FARSA: variants seen among roughly 807,000 people sequenced by gnomAD.
FARSA encodes phenylalanine--tRNA ligase alpha subunit.
FARSA carries 37 observed loss-of-function variants against 63.2 expected under a neutral mutation model. That is an observed-to-expected ratio of 0.59 (90% CI 0.45 to 0.77). The LOEUF (loss-of-function observed/expected upper bound fraction) is 0.77. Ranked by LOEUF, FARSA falls within the 30% of genes least tolerant of loss-of-function variation. FARSA has a pLI of 0.00. For synonymous variants in FARSA, 312 were observed against 285.1 expected, an observed-to-expected ratio of 1.09 and a Z score of -0.95; for missense variants, 618 against 696.6, an observed-to-expected ratio of 0.89 and a Z score of 1.27.
chr19:12,933,579 C>G lies in FARSA; in HGVS notation c.118G>C (p.Ala40Pro). The part of the protein sequence containing the change: ...LGMEHQAVVG[A>P]VKSLQALGEV... ...CCCAGCGCCTGAAGGCTCTTCACGGCGCCCACCACCGCCTGGTGCTCCATG... is the reference window on the plus strand; with the variant it reads ...CCCAGCGCCTGAAGGCTCTTCACGGGGCCCACCACCGCCTGGTGCTCCATG... Residue 40 changes from alanine to proline, a missense_variant, in exon 1 of 13, where the codon GCC becomes CCC. Transcript: ENST00000314606. The G allele has an allele frequency of 6.5e-7, 1 of 1,548,046 alleles. No homozygotes were observed. Among genetic ancestry groups the G allele is most frequent in the Non-Finnish European group, 8.7e-7 (1 of 1,151,450 alleles).
At chr19:12,923,126 C>T (rs1971283625) in intron 12 of FARSA, among the ~76,000 whole-genome samples, 1 of 152,140 alleles carries the variant, frequency 6.6e-6, no homozygotes, top group Non-Finnish European at 1.5e-5. Context: ...ACTGTGACCA[C>T]TACCTGGGAC....
chr19:12,926,510 C>A (rs111851259), intron 7 of FARSA, among the ~76,000 whole-genome samples: 30 of 151,350 alleles, frequency 2.0e-4, no homozygotes, highest in African/African-American at 6.8e-4. Flanking sequence ...CCTGACCTCG[C>A]GATCCGCCCG....
At chr19:12,923,491 G>A (rs751617885) in intron 12 of FARSA, among the ~76,000 whole-genome samples, 3 of 152,016 alleles carry the variant, frequency 2.0e-5, no homozygotes, top group Admixed American at 6.6e-5. Context: ...TAGTAGAGAC[G>A]GGAGACAGAG....
In FARSA at chr19:12,930,518, T is replaced by C. The variant is rs933660857; in HGVS notation, c.295A>G (p.Ser99Gly). Residue 99 changes from serine to glycine, a missense_variant, in exon 3 of 13, where the codon AGT (serine) becomes GGT (glycine). Transcript: ENST00000314606. Reference protein sequence around the residue: ...LAQSELMRLPSGKVGFSKAMS... With the variant: ...LAQSELMRLPGGKVGFSKAMS... ...GCCTTGCTGAAGCCCACTTTGCCAC[T>C]GGGCAGTCGCTGGAAAAGAGAGGCT... is the stretch of plus-strand genomic sequence containing the variant. 1 of 1,613,712 alleles carries C rather than the reference T, an allele frequency of 6.2e-7. No individual in the cohort carries two copies. Among genetic ancestry groups the C allele is most frequent in the Non-Finnish European group, 8.5e-7 (1 of 1,179,818 alleles).
In FARSA at chr19:12,924,141, G is replaced by T; in HGVS notation, c.1388+10C>A. The T allele has an allele frequency of 6.2e-7, 1 of 1,609,584 alleles. No homozygotes were observed. The highest frequency in any genetic ancestry group is 2.2e-5 in the East Asian group (1 of 44,862). Reference sequence around the variant, plus strand: ...AGCTGGACACCCCGAGTTTCCACTTGGGCACTTACCGCTCCAGGGAGAGGC... The same window carrying T: ...AGCTGGACACCCCGAGTTTCCACTTTGGCACTTACCGCTCCAGGGAGAGGC... On this transcript the variant is annotated intron_variant, in intron 12 of 12. Coordinates refer to ENST00000314606, the MANE Select transcript of FARSA (RefSeq NM_004461.3). The surrounding 1 kb of genome is among the most constrained non-coding windows in gnomAD (Gnocchi z 6.4).
At chr19:12,925,563 G>T (rs1229580141) in intron 7 of FARSA, among the ~76,000 whole-genome samples, 2 of 151,830 alleles carry the variant, frequency 1.3e-5, no homozygotes, top group Non-Finnish European at 2.9e-5. Flanking sequence ...TCGCCATGTT[G>T]GTCAGGGTGG....
Position 12,930,492 on chromosome 19 carries a change from G to A in FARSA, c.321C>T (p.Ala107=), listed in dbSNP as rs1427673824. The part of the protein sequence containing the change: ...LPSGKVGFSK[A]MSNKWIRVDK... The stretch of plus-strand genomic sequence containing the variant: ...CCACCCGAATCCACTTGTTGGACAT[G>A]GCCTTGCTGAAGCCCACTTTGCCAC... The change falls in exon 3 of 13, where the codon GCC becomes GCT. Residue 107 remains alanine (A), a synonymous_variant. Transcript: ENST00000314606. 4 of 1,614,068 alleles carry A rather than the reference G, an allele frequency of 2.5e-6. No individual in the cohort carries two copies. Among genetic ancestry groups the A allele is most frequent in the Non-Finnish European group, 3.4e-6 (4 of 1,180,018 alleles).
In FARSA at chr19:12,928,668, G is replaced by T; in HGVS notation, c.597-5C>A. The stretch of plus-strand genomic sequence containing the variant: ...GGCCGGTCCCGCCAAGAGCCACTGG[G>T]GGAGGATGCAAGGGCCTGGTAAGGG... On this transcript the variant is annotated splice_region_variant and splice_polypyrimidine_tract_variant and intron_variant, in intron 5 of 12. Coordinates refer to ENST00000314606, the MANE Select transcript of FARSA (RefSeq NM_004461.3). 6.2e-7 allele frequency: 1 copy of T among 1,613,032 alleles called. No homozygotes were observed. Among genetic ancestry groups the T allele is most frequent in the Non-Finnish European group, 8.5e-7 (1 of 1,179,498 alleles).
Position 12,930,685 on chromosome 19 carries a change from G to A in FARSA, c.212C>T (p.Ala71Val). ...WELTAEGEEIAREGSHEARVF... is the reference protein window; with the variant it reads ...WELTAEGEEIVREGSHEARVF... ...ACGGGCCTCATGGCTGCCCTCCCGGGCAATCTCCTCGCCCTCCGCAGTAAG... is the reference window on the plus strand; with the variant it reads ...ACGGGCCTCATGGCTGCCCTCCCGGACAATCTCCTCGCCCTCCGCAGTAAG... The change falls in exon 2 of 13, where the codon GCC becomes GTC. Residue 71 changes from alanine to valine, a missense_variant. Ala to Val is a moderately conservative substitution (Grantham distance 64). Coordinates refer to ENST00000314606, the MANE Select transcript of FARSA (RefSeq NM_004461.3). 1 of 1,613,576 alleles carries A rather than the reference G, an allele frequency of 6.2e-7. No individual in the cohort carries two copies. The highest frequency in any genetic ancestry group is 8.5e-7 in the Non-Finnish European group (1 of 1,180,020).
chr19:12,933,408 C>A, intron 1 of FARSA, 142 bp downstream of exon 1: 1 of 1,000,988 alleles, frequency 1.0e-6, no homozygotes, highest in Admixed American at 2.9e-5. Context: ...CGTCCCACTT[C>A]CCGCCCGCAC....
intron 6 of FARSA, 21 bp from the exon 7 acceptor site, chr19:12,928,478 A>G (rs1296108596): frequency 6.2e-7 from 1 of 1,613,684 alleles, no homozygotes; most frequent in Non-Finnish European, 8.5e-7. Flanking sequence ...ACACAGCCTG[A>G]CTGCCCTGCC....
At position 12,928,652 on chromosome 19, in the gene FARSA, C is replaced by T. The variant is rs761259713; in HGVS notation, c.608G>A (p.Arg203Gln). Residue 203 changes from arginine (R) to glutamine (Q), a missense_variant, in exon 6 of 13, where the codon CGG becomes CAG. Transcript: ENST00000314606. The stretch of plus-strand genomic sequence containing the variant: ...GTTGTAGGGCTTGAAGGGCCGGTCC[C>T]GCCAAGAGCCACTGGGGGAGGATGC... ...SPEMISSGSW[R>Q]DRPFKPYNFL... is the part of the protein sequence containing the mutation. 10 of 1,611,582 alleles carry T rather than the reference C, an allele frequency of 6.2e-6. No individual in the cohort carries two copies. The highest frequency in any genetic ancestry group is 2.7e-5 in the African/African-American group (2 of 74,874).
chr19:12,927,765 G>T lies in FARSA; in HGVS notation c.841+577C>A, dbSNP rs1000662199. 5.8e-4 allele frequency among the ~76,000 whole-genome samples: 79 copies of T among 136,636 alleles called. 1 individual carries two copies. The East Asian group carries it at 0.013, about 23-fold the overall frequency. 89.6% of individuals were successfully genotyped at this position (136,636 alleles called of 152,430 possible). On this transcript the variant is annotated intron_variant, in intron 7 of 12. Transcript: ENST00000314606. ...AAAAAAAAAAAAAAAAGCCAGGTGCGGTGGCTCACGCCTGTAATCCCAGCA... is the reference window on the plus strand; with the variant it reads ...AAAAAAAAAAAAAAAAGCCAGGTGCTGTGGCTCACGCCTGTAATCCCAGCA...
chr19:12,930,879 C>T (rs557933071), intron 1 of FARSA, 130 bp from the exon 2 acceptor site: 555 of 1,053,310 alleles, frequency 5.3e-4, no homozygotes, highest in Non-Finnish European at 7.0e-4. Context: ...AGCTATACAA[C>T]TTTACAGCCA....
intron 12 of FARSA, among the ~76,000 whole-genome samples, chr19:12,923,801 C>T (rs1971293365): frequency 6.6e-6 from 1 of 152,028 alleles, no homozygotes; most frequent in African/African-American, 2.4e-5. Context: ...TTTGTAGAGG[C>T]GGAGACTTGC....
At chr19:12,925,589 C>G (rs1040980932) in intron 7 of FARSA, among the ~76,000 whole-genome samples, 7 of 151,316 alleles carry the variant, frequency 4.6e-5, no homozygotes, top group African/African-American at 1.7e-4. Flanking sequence ...AACTCCTGAT[C>G]TCAGGTGATC....
intron 4 of FARSA, 85 bp from the exon 5 acceptor site, chr19:12,928,932 G>T: frequency 8.6e-7 from 1 of 1,163,030 alleles, no homozygotes. Flanking sequence ...GGATCCCCAT[G>T]CTACCTACCA....
At position 12,924,847 on chromosome 19, in the gene FARSA, A is replaced by T. The variant is rs1200808974; in HGVS notation, c.1027-40T>A. The T allele has an allele frequency of 6.2e-7, 1 of 1,613,720 alleles. No individual in the cohort carries two copies. Among genetic ancestry groups the T allele is most frequent in the East Asian group, 2.2e-5 (1 of 44,882 alleles). The stretch of plus-strand genomic sequence containing the variant: ...CGAGCCAGGCCCAGGTATGGGTCAG[A>T]AGGTCCCTTTGACAGCACCCTCTCC... On this transcript the variant is annotated intron_variant, in intron 9 of 12. Coordinates refer to ENST00000314606, the MANE Select transcript of FARSA (RefSeq NM_004461.3). This position sits in a 1 kb window ranked among gnomAD's most constrained non-coding sequence, Gnocchi z 6.4.
chr19:12,929,398 G>C (rs999590751), intron 4 of FARSA, among the ~76,000 whole-genome samples: 1 of 152,108 alleles, frequency 6.6e-6, no homozygotes, highest in Non-Finnish European at 1.5e-5. Flanking sequence ...GTAAAGACGA[G>C]GTTTCACCAT....
Sources: gnomAD v4.1 joint callset for allele counts (sites outside exome capture counted in the v4.1 genomes callset) on GRCh38, gnomAD v4.1.1 for gene constraint, Gnocchi (gnomAD v3.1) non-coding constraint, MANE v1.5 for transcripts, NCBI Gene and HGNC (gene_info 2026-07-23, HGNC 2026-07-21) for gene names.